The following TUBGCP4 variants were observed in gnomAD, a reference collection of about 807,000 sequenced individuals.
TUBGCP4 encodes tubulin gamma complex component 4, also known as gamma-tubulin complex component 4.
Under a neutral mutation model 91.6 loss-of-function variants are expected in TUBGCP4, and 54 were observed. The ratio of observed to expected loss-of-function variants is 0.59; its 90% CI spans 0.47 to 0.74. TUBGCP4 has a LOEUF of 0.74. Among genes scored for constraint, TUBGCP4 ranks in the 30% least tolerant of loss-of-function variants. The pLI, the probability that TUBGCP4 is intolerant of heterozygous loss-of-function variation, is 0.00. For missense variants in TUBGCP4, 593 were observed against 800.9 expected, an observed-to-expected ratio of 0.74 and a Z score of 3.13; for synonymous variants, 297 against 302.8, an observed-to-expected ratio of 0.98 and a Z score of 0.20.
chr15:43,397,101 A>T lies in TUBGCP4; in HGVS notation c.1172-113A>T, dbSNP rs2044593973. The T allele has an allele frequency of 2.6e-6, 2 of 761,764 alleles. 1 individual carries two copies. The allele number at this position is 761,764 out of a possible 1,614,324, so 47.2% of individuals were successfully genotyped here. On this transcript the variant is annotated intron_variant, in intron 11 of 17. Transcript: ENST00000564079. ...TGTTAGACAAATGAAACAGATGTCC[A>T]CTGTGTCCTGCTGTTAGCATTGAGC...
intron 7 of TUBGCP4, among the ~76,000 whole-genome samples, chr15:43,384,050 G>A (rs2142803357): frequency 6.6e-6 from 1 of 152,264 alleles, no homozygotes; most frequent in South Asian, 2.1e-4. Flanking sequence ...CTGACCTCAG[G>A]TGATCCACCC....
Position 43,403,793 on chromosome 15 carries a change from C to T in TUBGCP4, c.1842C>T (p.Leu614=), listed in dbSNP as rs959551677. The part of the protein sequence containing the change: ...DERGAAQLSI[L]VKGFSRQSSL... ...GTGGAGCCGCCCAGCTGAGCATTCTCGTGAAGGTGCGTCTGCCTGGAAGTA... is the reference window on the plus strand; with the variant it reads ...GTGGAGCCGCCCAGCTGAGCATTCTTGTGAAGGTGCGTCTGCCTGGAAGTA... The change falls in exon 16 of 18, where the codon CTC becomes CTT. Residue 614 remains leucine (L), a synonymous_variant. Transcript: ENST00000564079. 11 of 1,612,514 alleles carry T rather than the reference C, an allele frequency of 6.8e-6. No individual in the cohort carries two copies. Among genetic ancestry groups the T allele is most frequent in the South Asian group, 3.3e-5 (3 of 91,020 alleles).
In TUBGCP4 at chr15:43,376,477, G is replaced by A. The variant is rs979814131; in HGVS notation, c.208-26G>A. 1.9e-6 allele frequency: 3 copies of A among 1,614,100 alleles called. No individual in the cohort carries two copies. The African/African-American group carries it at 4.0e-5, about 22-fold the overall frequency. ...CAGGTTTCAGGGCCTGAGCTGAGAA[G>A]TTGGCTTCTGTTTGTTTGATTTCAG... is the stretch of plus-strand genomic sequence containing the variant. On this transcript the variant is annotated intron_variant, in intron 2 of 17. Transcript: ENST00000564079.
rs1171875447 is a variant in TUBGCP4 at position 43,407,601 on chromosome 15, A to G, written c.*2387A>G. On this transcript the variant is annotated 3_prime_UTR_variant, in exon 18 of 18. Transcript: ENST00000564079. ...AGGAGCAAGGGAAAGTGAAGAAGGA[A>G]AGGACACTCAACTTAGCCCTCCATT... The G allele has an allele frequency of 4.4e-6, 7 of 1,588,006 alleles. No homozygotes were observed. Among genetic ancestry groups the G allele is most frequent in the Middle Eastern group, 3.4e-4 (2 of 5,964 alleles).
At chr15:43,385,745 T>C (rs750718062) in intron 7 of TUBGCP4, 46 bp from the exon 8 acceptor site, 1 of 1,601,526 alleles carries the variant, frequency 6.2e-7, no homozygotes, top group Admixed American at 1.7e-5. Context: ...TGTTTTCCTT[T>C]TCTTGCTTCA....
intron 4 of TUBGCP4, 196 bp from the exon 5 acceptor site, chr15:43,377,651 G>T (rs937614179): frequency 4.0e-6 from 2 of 500,524 alleles, no homozygotes; most frequent in African/African-American, 2.1e-5. Context: ...AAAAGAAACT[G>T]CCTCTCTCTG....
chr15:43,401,897 A>G (rs2044689847), intron 15 of TUBGCP4, 47 bp downstream of exon 15: 1 of 1,606,838 alleles, frequency 6.2e-7, no homozygotes, highest in Non-Finnish European at 8.5e-7. Flanking sequence ...ACCACTGACC[A>G]TTCCCTTAGG....
chr15:43,371,470 A>T, intron 1 of TUBGCP4, 38 bp downstream of exon 1: 1 of 1,607,126 alleles, frequency 6.2e-7, no homozygotes, highest in Non-Finnish European at 8.5e-7. Context: ...CAGGGAGCGC[A>T]GGAGGGGGGA....
At chr15:43,379,949 A>C in intron 5 of TUBGCP4, 135 bp from the exon 6 acceptor site, 1 of 800,322 alleles carries the variant, frequency 1.2e-6, no homozygotes, top group South Asian at 1.5e-5. Context: ...GAGAACCACT[A>C]TGTGTAAATC....
At chr15:43,386,749 A>G (rs1055793546) in intron 9 of TUBGCP4, among the ~76,000 whole-genome samples, 2 of 142,558 alleles carry the variant, frequency 1.4e-5, no homozygotes, top group African/African-American at 5.5e-5. Flanking sequence ...AAAAAAAAAA[A>G]GACACTGAGT....
chr15:43,408,622 AT>A lies in TUBGCP4; in HGVS notation c.*3413del. 1 of 430,096 alleles carries A rather than the reference AT, an allele frequency of 2.3e-6. No individual in the cohort carries two copies. The highest frequency in any genetic ancestry group is 4.3e-6 in the Non-Finnish European group (1 of 233,804). 26.6% of individuals were successfully genotyped at this position (430,096 alleles called of 1,614,324 possible). On this transcript the variant is annotated 3_prime_UTR_variant, in exon 18 of 18. Transcript: ENST00000564079. ...CCAAATCATGCTCCTGAGCCTATATATTTTTAATGCTTGCTTAAAACTTAGT... is the reference window on the plus strand; with the variant it reads ...CCAAATCATGCTCCTGAGCCTATATATTTTAATGCTTGCTTAAAACTTAGT...
chr15:43,376,458 T>G (rs753126402), intron 2 of TUBGCP4, 45 bp from the exon 3 acceptor site: 1 of 1,614,190 alleles, frequency 6.2e-7, no homozygotes, highest in Non-Finnish European at 8.5e-7. Flanking sequence ...TTCTCAGGTT[T>G]CAGGGCCTGA....
intron 4 of TUBGCP4, chr15:43,377,552 C>A: frequency 3.1e-6 from 1 of 326,832 alleles, no homozygotes. Context: ...GTGGAGGTTG[C>A]AGTGAGCTGG....
chr15:43,407,313 C>T lies in TUBGCP4; in HGVS notation c.*2099C>T. On this transcript the variant is annotated 3_prime_UTR_variant, in exon 18 of 18. Transcript: ENST00000564079. ...GCAAGGAATCCAGTTACACACAAGACACATTTAAAACCTGGTTAAAACACA... is the reference window on the plus strand; with the variant it reads ...GCAAGGAATCCAGTTACACACAAGATACATTTAAAACCTGGTTAAAACACA... 1 of 1,368,518 alleles carries T rather than the reference C, an allele frequency of 7.3e-7. No homozygotes were observed. The highest frequency in any genetic ancestry group is 1.0e-6 in the Non-Finnish European group (1 of 973,686). 84.8% of individuals were successfully genotyped at this position (1,368,518 alleles called of 1,614,324 possible).
chr15:43,389,922 ATAAAG>A (rs1320571475), intron 9 of TUBGCP4, among the ~76,000 whole-genome samples: 1 of 151,746 alleles, frequency 6.6e-6, no homozygotes. Context: ...ATAATTTATT[ATAAAG>A]TAAATCACCC....
In TUBGCP4 at chr15:43,408,801, T is replaced by C. The variant is rs934206055; in HGVS notation, c.*3587T>C. On this transcript the variant is annotated 3_prime_UTR_variant, in exon 18 of 18. Transcript: ENST00000564079. Reference sequence around the variant, plus strand: ...CAAATTTATCCCACAGACATTCCAATTTCTAGAAAGCTTTACTCTCTCACC... The same window carrying C: ...CAAATTTATCCCACAGACATTCCAACTTCTAGAAAGCTTTACTCTCTCACC... The C allele has an allele frequency of 3.2e-6, 4 of 1,262,870 alleles. No individual in the cohort carries two copies. The highest frequency in any genetic ancestry group is 4.8e-5 in the East Asian group (2 of 41,710). The allele number at this position is 1,262,870 out of a possible 1,614,324, so 78.2% of individuals were successfully genotyped here. A position where few individuals can be genotyped will look rare whatever the true frequency, so the allele number is the denominator to read the frequency against.
intron 13 of TUBGCP4, among the ~76,000 whole-genome samples, chr15:43,399,349 C>A (rs2044630431): frequency 6.6e-6 from 1 of 152,152 alleles, no homozygotes; most frequent in Non-Finnish European, 1.5e-5. Context: ...GAATCAGATT[C>A]ATCATAATCC....
intron 17 of TUBGCP4, chr15:43,404,962 C>G (rs530394403): frequency 2.6e-5 from 14 of 542,842 alleles, no homozygotes; most frequent in Non-Finnish European, 4.5e-5. Context: ...TACCGAGATT[C>G]AGTGGTAGCT....
intron 9 of TUBGCP4, chr15:43,391,411 G>A (rs1380175641): frequency 6.6e-6 from 1 of 152,258 alleles, no homozygotes; most frequent in East Asian, 1.9e-4. Flanking sequence ...ATGTTGCCCA[G>A]GCTGGTCTAG....
Sources: allele counts gnomAD v4.1 joint callset (sites outside exome capture counted in the v4.1 genomes callset), GRCh38; gene constraint gnomAD v4.1.1; transcripts MANE v1.5; gene names NCBI Gene and HGNC (gene_info 2026-07-23, HGNC 2026-07-21).